The following NF1 variants were observed in gnomAD, a reference collection of about 807,000 sequenced individuals.
The protein encoded by NF1 is neurofibromin 1, also known as neurofibromin.
Under a neutral mutation model 325.7 loss-of-function variants are expected in NF1, and 122 were observed. That is an observed-to-expected ratio of 0.37 (90% CI 0.32 to 0.44). The LOEUF is 0.44. NF1 is among the 20% of genes least tolerant of loss of function. NF1 has a pLI of 1.00. For synonymous variants in NF1, 1,091 were observed against 1,186.0 expected, an observed-to-expected ratio of 0.92 and a Z score of 1.65; for missense variants, 2,140 against 3,415.4, an observed-to-expected ratio of 0.63 and a Z score of 9.31.
At position 31,304,407 on chromosome 17, in the gene NF1, A is replaced by G. The variant is rs747006138; in HGVS notation, c.4836-21413A>G. On this transcript the variant is annotated intron_variant, in intron 36 of 57. Transcript: ENST00000358273. ...AATCTACTGGTGGCAGGGGCAAGTT[A>G]AGTGAGTCAAGCGGTGGAAATGATT... The G allele has an allele frequency of 4.3e-6, 7 of 1,614,068 alleles. No homozygotes were observed. In the African/African-American group the frequency reaches 8.0e-5, roughly 18 times the overall value.
At chr17:31,200,624 A>G (rs1477597319) in intron 9 of NF1, 29 bp downstream of exon 9, 5 of 1,607,952 alleles carry the variant, frequency 3.1e-6, no homozygotes, top group East Asian at 2.2e-5. Flanking sequence ...CTCTACTACA[A>G]ACTTTAAGAA....
At chr17:31,315,735 A>G (rs1471613838) in intron 36 of NF1, among the ~76,000 whole-genome samples, 1 of 152,218 alleles carries the variant, frequency 6.6e-6, no homozygotes, top group Admixed American at 6.5e-5. Context: ...TGCATATTAT[A>G]GTAGGTACGG....
In NF1 at chr17:31,163,505, C is replaced by A; in HGVS notation, c.479+129C>A. Reference sequence around the variant, plus strand: ...TGTTTTTGAGACAAGTTCTTTTGCCCCTCACAGCAGCTTTGACCTCCCAGG... The same window carrying A: ...TGTTTTTGAGACAAGTTCTTTTGCCACTCACAGCAGCTTTGACCTCCCAGG... On this transcript the variant is annotated intron_variant, in intron 4 of 57. Transcript: ENST00000358273. 7.2e-6 allele frequency: 7 copies of A among 976,488 alleles called. No homozygotes were observed. In the South Asian group the frequency reaches 7.4e-5, roughly 10 times the overall value. 60.5% of individuals were successfully genotyped at this position (976,488 alleles called of 1,614,324 possible).
intron 57 of NF1, among the ~76,000 whole-genome samples, chr17:31,369,961 C>G (rs578208734): frequency 6.6e-6 from 1 of 152,022 alleles, no homozygotes; most frequent in Non-Finnish European, 1.5e-5. Flanking sequence ...ACTACCTTGG[C>G]TTTTTCAAGA....
At chr17:31,157,788 T>C (rs2065690106) in intron 2 of NF1, among the ~76,000 whole-genome samples, 1 of 128,254 alleles carries the variant, frequency 7.8e-6, no homozygotes, top group Non-Finnish European at 1.6e-5. Context: ...TGAAACCCCG[T>C]CTCTACTAAA....
At chr17:31,150,307 A>G (rs187085390) in intron 1 of NF1, among the ~76,000 whole-genome samples, 1 of 152,280 alleles carries the variant, frequency 6.6e-6, no homozygotes, top group East Asian at 1.9e-4. Flanking sequence ...TACCCTTTAG[A>G]CCAACTCTAA....
chr17:31,154,263 G>A (rs1402018205), intron 1 of NF1, among the ~76,000 whole-genome samples: 4 of 151,232 alleles, frequency 2.6e-5, no homozygotes, highest in Admixed American at 6.6e-5. Flanking sequence ...CACCATGTTG[G>A]CCAGGCTGGT....
chr17:31,340,354 G>T (rs1449799911), intron 46 of NF1, 151 bp from the exon 47 acceptor site: 2 of 932,206 alleles, frequency 2.1e-6, no homozygotes, highest in Non-Finnish European at 3.3e-6. Context: ...ATATGGAAAA[G>T]TGAAGAGCTT....
At chr17:31,306,386 T>C (rs1414973160) in intron 36 of NF1, among the ~76,000 whole-genome samples, 1 of 152,178 alleles carries the variant, frequency 6.6e-6, no homozygotes, top group African/African-American at 2.4e-5. Context: ...GATTTTTCCA[T>C]ATTTTATATA....
Position 31,336,228 on chromosome 17 carries a change from A to G in NF1, c.6007-105A>G, listed in dbSNP as rs2069664940. The G allele has an allele frequency of 1.6e-6, 2 of 1,264,074 alleles. No individual in the cohort carries two copies. The highest frequency in any genetic ancestry group is 4.0e-5 in the Admixed American group (2 of 49,684). The allele number at this position is 1,264,074 out of a possible 1,614,324, so 78.3% of individuals were successfully genotyped here. On this transcript the variant is annotated intron_variant, in intron 40 of 57. Coordinates refer to ENST00000358273, the MANE Select transcript of NF1 (RefSeq NM_001042492.3). This position sits in a 1 kb window ranked among gnomAD's most constrained non-coding sequence, Gnocchi z 5.5. The stretch of plus-strand genomic sequence containing the variant: ...ATCTAGTATTTTTGAGGCCTCAGGT[A>G]AAATAGAATTTTCATATTGATTAGG...
chr17:31,254,884 A>G (rs1023315034), intron 31 of NF1, among the ~76,000 whole-genome samples: 1 of 152,196 alleles, frequency 6.6e-6, no homozygotes, highest in Admixed American at 6.5e-5. Context: ...AGTACATTCC[A>G]AAGTATGAAG....
At chr17:31,248,123 A>G (rs983378846) in intron 29 of NF1, among the ~76,000 whole-genome samples, 15 of 151,818 alleles carry the variant, frequency 9.9e-5, no homozygotes, top group Admixed American at 8.5e-4. Flanking sequence ...AATCACTTGA[A>G]CCCGGGAGGC....
At chr17:31,105,000 G>T (rs1204752750) in intron 1 of NF1, among the ~76,000 whole-genome samples, 1 of 152,118 alleles carries the variant, frequency 6.6e-6, no homozygotes, top group African/African-American at 2.4e-5. Flanking sequence ...GAACTCCTGG[G>T]CTCAAGTGAT....
In NF1 at chr17:31,235,658, A is replaced by G. The variant is rs1298630862; in HGVS notation, c.3756A>G (p.Leu1252=). 3.7e-6 allele frequency: 6 copies of G among 1,613,980 alleles called. No individual in the cohort carries two copies. The South Asian group carries it at 6.6e-5, about 18-fold the overall frequency. ...TTACTCTGTTTGATTCTCGGCATTT[A>G]CTCTACCAACTGCTCTGGAACATGT... The part of the protein sequence containing the change: ...VLVTLFDSRH[L]LYQLLWNMFS... The change falls in exon 28 of 58, where the codon TTA becomes TTG. Residue 1252 remains leucine, a synonymous_variant. Transcript: ENST00000358273.
chr17:31,351,684 G>T (rs1366965216), intron 50 of NF1, among the ~76,000 whole-genome samples: 1 of 152,176 alleles, frequency 6.6e-6, no homozygotes, highest in African/African-American at 2.4e-5. Flanking sequence ...CCAAAGTGTT[G>T]GGATTACAGG....
intron 29 of NF1, among the ~76,000 whole-genome samples, chr17:31,245,576 G>A (rs2067375259): frequency 6.6e-6 from 1 of 152,144 alleles, no homozygotes; most frequent in African/African-American, 2.4e-5. Flanking sequence ...ACAGAACTCA[G>A]GGGCATACTT....
At chr17:31,140,306 C>G (rs947070224) in intron 1 of NF1, among the ~76,000 whole-genome samples, 1 of 152,124 alleles carries the variant, frequency 6.6e-6, no homozygotes, top group African/African-American at 2.4e-5. Flanking sequence ...GGCAGAGACT[C>G]AGACTGAGAG....
chr17:31,184,181 T>G (rs2905878), intron 8 of NF1, among the ~76,000 whole-genome samples: 1 of 151,914 alleles, frequency 6.6e-6, no homozygotes, highest in Non-Finnish European at 1.5e-5. Flanking sequence ...GTCGTTGCTG[T>G]GAACTGTTTA....
chr17:31,153,947 C>G (rs1917128791), intron 1 of NF1, among the ~76,000 whole-genome samples: 1 of 150,546 alleles, frequency 6.6e-6, no homozygotes, highest in African/African-American at 2.4e-5. Context: ...TGGTTTGTTT[C>G]TATTTGTTCA....
Sources: allele counts gnomAD v4.1 joint callset (sites outside exome capture counted in the v4.1 genomes callset), GRCh38; gene constraint gnomAD v4.1.1; non-coding constraint Gnocchi (gnomAD v3.1); transcripts MANE v1.5; gene names NCBI Gene and HGNC (gene_info 2026-07-23, HGNC 2026-07-21).